ABTB3: variants seen among roughly 807,000 people sequenced by gnomAD.
ABTB3 encodes ankyrin repeat- and BTB/POZ domain-containing protein 3.
the ABTB3 span, among the ~76,000 whole-genome samples, chr12:107,523,562 G>A: frequency 2.0e-5 from 3 of 152,066 alleles, no homozygotes; most frequent in Non-Finnish European, 2.9e-5. Flanking sequence ...GTAGTTCTCC[G>A]GGTTTCTTTT....
At chr12:107,595,800 A>C in the ABTB3 span, among the ~76,000 whole-genome samples, 1 of 152,182 alleles carries the variant, frequency 6.6e-6, no homozygotes, top group South Asian at 2.1e-4. Flanking sequence ...GTAGGATTAA[A>C]GTAAGGATTA....
the ABTB3 span, among the ~76,000 whole-genome samples, chr12:107,621,800 CA>C: frequency 6.6e-6 from 1 of 152,150 alleles, no homozygotes; most frequent in Admixed American, 6.6e-5. Context: ...CCTGGAGCCA[CA>C]ATGTTTGACT....
the ABTB3 span, among the ~76,000 whole-genome samples, chr12:107,447,152 T>C: frequency 6.6e-6 from 1 of 152,064 alleles, no homozygotes; most frequent in Non-Finnish European, 1.5e-5. Flanking sequence ...TTTTTTTTTC[T>C]TTTTTTGAGA....
chr12:107,591,122 T>C, the ABTB3 span, among the ~76,000 whole-genome samples: 2 of 152,318 alleles, frequency 1.3e-5, no homozygotes. Flanking sequence ...ACTTTCAGTG[T>C]GTACATGCCA....
the ABTB3 span, among the ~76,000 whole-genome samples, chr12:107,330,424 T>G: frequency 1.4e-3 from 210 of 152,322 alleles, no homozygotes; most frequent in East Asian, 0.014. Flanking sequence ...ACACATTAAG[T>G]CACTTGCCCA....
At chr12:107,509,246 A>T in the ABTB3 span, among the ~76,000 whole-genome samples, 1 of 152,226 alleles carries the variant, frequency 6.6e-6, no homozygotes, top group African/African-American at 2.4e-5. Context: ...CAAAGGAGGT[A>T]ACTAAAAATC....
chr12:107,642,131 C>T, the ABTB3 span: 1 of 1,614,090 alleles, frequency 6.2e-7, no homozygotes, highest in Non-Finnish European at 8.5e-7. Context: ...AATGATGGCA[C>T]CTGCATAGAG....
the ABTB3 span, among the ~76,000 whole-genome samples, chr12:107,414,349 C>T: frequency 2.6e-5 from 4 of 152,122 alleles, no homozygotes; most frequent in African/African-American, 9.7e-5. Context: ...TCAATCAGCT[C>T]CTGTCATTCC....
chr12:107,529,015 G>C, the ABTB3 span, among the ~76,000 whole-genome samples: 3 of 149,800 alleles, frequency 2.0e-5, no homozygotes, highest in African/African-American at 2.5e-5. Context: ...GATGATGGTG[G>C]TGATGATAAT....
At chr12:107,320,115 T>C in the ABTB3 span, 2 of 1,376,722 alleles carry the variant, frequency 1.5e-6, no homozygotes, top group African/African-American at 3.0e-5. Context: ...TCACCTAACC[T>C]GGCCAACTCT....
chr12:107,566,894 C>T, the ABTB3 span, among the ~76,000 whole-genome samples: 1 of 152,162 alleles, frequency 6.6e-6, no homozygotes, highest in African/African-American at 2.4e-5. Flanking sequence ...AGGAGGATCA[C>T]TTGAGCCCAG....
At chr12:107,319,282 C>T in the ABTB3 span, 1,334 of 1,544,882 alleles carry the variant, frequency 8.6e-4, 1 homozygote, top group Middle Eastern at 1.3e-3. Flanking sequence ...CGCGGGATCC[C>T]CGGGCAGGCC....
the ABTB3 span, among the ~76,000 whole-genome samples, chr12:107,576,890 T>C: frequency 6.6e-6 from 1 of 152,138 alleles, no homozygotes; most frequent in African/African-American, 2.4e-5. Flanking sequence ...TATCTTCTGA[T>C]CTCCCCAAAA....
chr12:107,593,484 T>C, the ABTB3 span, among the ~76,000 whole-genome samples: 1 of 152,202 alleles, frequency 6.6e-6, no homozygotes, highest in African/African-American at 2.4e-5. Flanking sequence ...TCTTTCTAGA[T>C]TCCTTGGAGG....
chr12:107,608,149 G>A, the ABTB3 span, among the ~76,000 whole-genome samples: 6 of 152,146 alleles, frequency 3.9e-5, no homozygotes, highest in East Asian at 3.9e-4. Flanking sequence ...TATCTGAGGC[G>A]GACAGGCACA....
the ABTB3 span, among the ~76,000 whole-genome samples, chr12:107,348,180 G>A: frequency 9.2e-5 from 14 of 151,972 alleles, no homozygotes; most frequent in Admixed American, 2.0e-4. Context: ...ATGTGCATGC[G>A]TGTGTGTATA....
At chr12:107,422,992 G>C in the ABTB3 span, among the ~76,000 whole-genome samples, 1 of 152,156 alleles carries the variant, frequency 6.6e-6, no homozygotes, top group Non-Finnish European at 1.5e-5. Flanking sequence ...CAGAACTGAT[G>C]GTTCATCTAC....
chr12:107,379,401 GAGA>G, the ABTB3 span, among the ~76,000 whole-genome samples: 1 of 152,080 alleles, frequency 6.6e-6, no homozygotes, highest in Non-Finnish European at 1.5e-5. Context: ...TCTTGTGATA[GAGA>G]AGAAGTCTCA....
At chr12:107,428,508 C>T in the ABTB3 span, among the ~76,000 whole-genome samples, 6 of 152,216 alleles carry the variant, frequency 3.9e-5, no homozygotes, top group Non-Finnish European at 8.8e-5. Context: ...ATCCCAGCAT[C>T]CGCACCCTCA....
Sources: allele counts gnomAD v4.1 joint callset (sites outside exome capture counted in the v4.1 genomes callset), GRCh38; gene constraint gnomAD v4.1.1; transcripts MANE v1.5; gene names NCBI Gene and HGNC (gene_info 2026-07-23, HGNC 2026-07-21).